Variants in MAGI1 observed in about 807,000 individuals in gnomAD.
MAGI1 encodes the protein membrane-associated guanylate kinase, WW and PDZ domain-containing protein 1.
In MAGI1, 58 loss-of-function variants were observed where a neutral mutation model predicts 139.9. That is an observed-to-expected ratio of 0.41 (90% CI 0.34 to 0.52). The LOEUF (loss-of-function observed/expected upper bound fraction) is 0.52, where lower values mean the gene tolerates loss of function less well. Among genes scored for constraint, MAGI1 ranks in the 20% least tolerant of loss-of-function variants. The probability of loss-of-function intolerance (pLI) is 0.12; values close to 1 mark genes in which losing one functional copy is unlikely to be tolerated. For synonymous variants in MAGI1, 812 were observed against 737.9 expected, an observed-to-expected ratio of 1.10 and a Z score of -1.63; for missense variants, 1,874 against 1,901.6, an observed-to-expected ratio of 0.99 and a Z score of 0.27.
At chr3:65,667,184 A>G (rs1216030053) in intron 1 of MAGI1, among the ~76,000 whole-genome samples, 1 of 152,230 alleles carries the variant, frequency 6.6e-6, no homozygotes, top group African/African-American at 2.4e-5. Flanking sequence ...GAAGGCTCCC[A>G]TGAAGAAGGG....
At chr3:65,818,324 G>A (rs925071939) in intron 1 of MAGI1, among the ~76,000 whole-genome samples, 1 of 152,084 alleles carries the variant, frequency 6.6e-6, no homozygotes, top group African/African-American at 2.4e-5. Flanking sequence ...CACCATACCA[G>A]GTGCTGGAGA....
chr3:65,995,792 G>C (rs139637919), intron 1 of MAGI1, among the ~76,000 whole-genome samples: 232 of 152,278 alleles, frequency 1.5e-3, no homozygotes, highest in African/African-American at 5.4e-3. Flanking sequence ...ATCTAAGTCT[G>C]TTCTCTGGGA....
chr3:65,625,032 G>A (rs1281843462), intron 1 of MAGI1, among the ~76,000 whole-genome samples: 4 of 151,922 alleles, frequency 2.6e-5, no homozygotes, highest in East Asian at 3.9e-4. Context: ...TCCACCACGC[G>A]CAGCGAGTTT....
At chr3:65,992,723 A>C (rs959364105) in intron 1 of MAGI1, among the ~76,000 whole-genome samples, 1 of 152,160 alleles carries the variant, frequency 6.6e-6, no homozygotes, top group Non-Finnish European at 1.5e-5. Flanking sequence ...AATACCACCA[A>C]CGCCTTCCAG....
At chr3:65,460,065 A>G (rs1254489336) in intron 5 of MAGI1, among the ~76,000 whole-genome samples, 1 of 152,220 alleles carries the variant, frequency 6.6e-6, no homozygotes, top group East Asian at 1.9e-4. Flanking sequence ...GCTCTTTAAC[A>G]AGTCAAAGAA....
At chr3:66,027,856 T>C (rs1433030715) in intron 1 of MAGI1, among the ~76,000 whole-genome samples, 1 of 152,178 alleles carries the variant, frequency 6.6e-6, no homozygotes, top group Non-Finnish European at 1.5e-5. Flanking sequence ...CCCGGGCCTC[T>C]ACTCTCTAGA....
At chr3:65,360,364 T>G in intron 22 of MAGI1, 1 of 979,648 alleles carries the variant, frequency 1.0e-6, no homozygotes, top group Non-Finnish European at 1.2e-6. Flanking sequence ...TTTTTTTTTT[T>G]TTTTAATTTT....
At chr3:65,834,860 T>G (rs2042721899) in intron 1 of MAGI1, among the ~76,000 whole-genome samples, 1 of 152,244 alleles carries the variant, frequency 6.6e-6, no homozygotes. Flanking sequence ...GTAATTTTAC[T>G]TGCTATGAAG....
chr3:65,607,018 T>G (rs891432248), intron 2 of MAGI1, among the ~76,000 whole-genome samples: 1 of 152,070 alleles, frequency 6.6e-6, no homozygotes, highest in Admixed American at 6.6e-5. Flanking sequence ...CTGATATGGG[T>G]TTTTAAAGCA....
intron 1 of MAGI1, among the ~76,000 whole-genome samples, chr3:65,969,593 G>T (rs756023100): frequency 6.6e-6 from 1 of 152,156 alleles, no homozygotes; most frequent in African/African-American, 2.4e-5. Context: ...ACTAGAGCAC[G>T]CTTGCACTCA....
chr3:65,650,173 G>A (rs2085501610), intron 1 of MAGI1, among the ~76,000 whole-genome samples: 1 of 152,082 alleles, frequency 6.6e-6, no homozygotes, highest in African/African-American at 2.4e-5. Context: ...AAATGCTCTG[G>A]TGCTCTTCCA....
intron 1 of MAGI1, among the ~76,000 whole-genome samples, chr3:65,950,057 A>C (rs2063728189): frequency 2.5e-5 from 1 of 39,754 alleles, no homozygotes. Context: ...AAAAAAAAAA[A>C]ACAAAAAAAC....
chr3:65,470,800 A>G (rs1950514153), intron 4 of MAGI1, among the ~76,000 whole-genome samples: 1 of 152,128 alleles, frequency 6.6e-6, no homozygotes, highest in African/African-American at 2.4e-5. Flanking sequence ...AAACTCTTAA[A>G]CTAAGAAGGC....
intron 1 of MAGI1, among the ~76,000 whole-genome samples, chr3:65,862,392 T>G (rs2059585668): frequency 6.6e-6 from 1 of 152,326 alleles, no homozygotes; most frequent in Non-Finnish European, 1.5e-5. Context: ...TACTCATGCC[T>G]TCCCCATGAG....
chr3:65,871,728 T>G (rs78598271), intron 1 of MAGI1, among the ~76,000 whole-genome samples: 1 of 152,242 alleles, frequency 6.6e-6, no homozygotes, highest in Non-Finnish European at 1.5e-5. Flanking sequence ...TTTACCTCTG[T>G]GCAAAGTTTT....
rs923831228 is a variant in MAGI1, at chr3:65,552,289, T to C, written c.431-58658A>G. ...GTGTGTGTGTGTGTGTGTGTGTGTG[T>C]CCCCATTCCAATTTCCCAACATGAA... On this transcript the variant is annotated intron_variant, in intron 2 of 22. Coordinates refer to ENST00000402939, the MANE Select transcript of MAGI1 (RefSeq NM_001033057.2). Among the ~76,000 whole-genome samples, 25 of 149,674 alleles carry C rather than the reference T, an allele frequency of 1.7e-4. No homozygotes were observed. In the South Asian group the frequency reaches 5.1e-3, roughly 31 times the overall value.
chr3:66,003,700 C>T (rs1452167108), intron 1 of MAGI1: 2 of 152,076 alleles, frequency 1.3e-5, no homozygotes, highest in Non-Finnish European at 2.9e-5. Flanking sequence ...ACCTCCTGAC[C>T]TCAAGTGATC....
intron 1 of MAGI1, among the ~76,000 whole-genome samples, chr3:65,785,695 TTAAATGAATGAGA>T (rs1330027357): frequency 6.6e-6 from 1 of 152,206 alleles, no homozygotes; most frequent in Non-Finnish European, 1.5e-5. Context: ...TAAATATTTA[TTAAATGAATGAGA>T]TAAATGAATG....
chr3:65,576,918 CA>C (rs1200818732), intron 2 of MAGI1, among the ~76,000 whole-genome samples: 1 of 152,162 alleles, frequency 6.6e-6, no homozygotes, highest in African/African-American at 2.4e-5. Context: ...GTAGACTCCA[CA>C]AATTCAGACA....
Sources: gnomAD v4.1 joint callset for allele counts (sites outside exome capture counted in the v4.1 genomes callset) on GRCh38, gnomAD v4.1.1 for gene constraint, MANE v1.5 for transcripts, NCBI Gene and HGNC (gene_info 2026-07-23, HGNC 2026-07-21) for gene names.